Variants in CNTNAP2 observed in about 807,000 individuals in gnomAD.
CNTNAP2 encodes the protein contactin associated protein 2, also known as contactin-associated protein-like 2.
Under a neutral mutation model 155.2 loss-of-function variants are expected in CNTNAP2, and 98 were observed. The observed-to-expected ratio is 0.63, with a 90% CI of 0.54 to 0.75. The LOEUF (loss-of-function observed/expected upper bound fraction) is 0.75. Ranked by LOEUF, CNTNAP2 falls within the 30% of genes least tolerant of loss-of-function variation. The pLI is 0.00. For missense variants in CNTNAP2, 1,727 were observed against 1,688.1 expected (o/e 1.02, Z -0.40); for synonymous variants, 651 against 631.2 (o/e 1.03, Z -0.47).
chr7:147,812,697 A>G (rs1798200012), intron 13 of CNTNAP2, among the ~76,000 whole-genome samples: 1 of 152,094 alleles, frequency 6.6e-6, no homozygotes, highest in Admixed American at 6.5e-5. Flanking sequence ...CCTCAGAGAG[A>G]GTTTCTAGCA....
intron 8 of CNTNAP2, among the ~76,000 whole-genome samples, chr7:147,141,004 T>C (rs866482821): frequency 1.3e-5 from 2 of 152,114 alleles, no homozygotes; most frequent in African/African-American, 4.8e-5. Context: ...TAATAGATAA[T>C]AACTATTGAA....
In CNTNAP2 at chr7:147,032,736, A is replaced by C. The variant is rs148496926; in HGVS notation, c.403-11171A>C. Among the ~76,000 whole-genome samples, 564 of 152,178 alleles carry C rather than the reference A, an allele frequency of 3.7e-3. 9 individuals carry two copies. The highest frequency in any genetic ancestry group is 0.014 in the Middle Eastern group (4 of 294). ...GAGAAAAAAAGGAGAGAGAAAAAGG[A>C]AGGAAGTTGGAGAGAAGGAAGAAGA... On this transcript the variant is annotated intron_variant, in intron 3 of 23. Transcript: ENST00000361727.
chr7:147,910,632 C>A (rs1052235261), intron 14 of CNTNAP2, among the ~76,000 whole-genome samples: 6 of 152,126 alleles, frequency 3.9e-5, no homozygotes, highest in African/African-American at 1.4e-4. Flanking sequence ...GCCTCACAAT[C>A]ATGGCAGAAG....
At chr7:147,543,350 G>A (rs1799672268) in intron 11 of CNTNAP2, among the ~76,000 whole-genome samples, 1 of 152,116 alleles carries the variant, frequency 6.6e-6, no homozygotes, top group African/African-American at 2.4e-5. Context: ...CTTCATTCTG[G>A]TAAACCCACA....
chr7:146,759,710 A>T (rs1585077216), intron 1 of CNTNAP2, among the ~76,000 whole-genome samples: 2 of 135,870 alleles, frequency 1.5e-5, no homozygotes, highest in African/African-American at 5.8e-5. Flanking sequence ...AAAAAAAAAA[A>T]AGGTGGGTGG....
At chr7:148,192,531 A>C (rs923425573) in intron 18 of CNTNAP2, among the ~76,000 whole-genome samples, 9 of 132,088 alleles carry the variant, frequency 6.8e-5, no homozygotes, top group African/African-American at 3.0e-4. Flanking sequence ...ATGGATGACC[A>C]AAAAAAAAAA....
intron 13 of CNTNAP2, among the ~76,000 whole-genome samples, chr7:147,834,039 G>A (rs1001515188): frequency 9.2e-5 from 14 of 152,224 alleles, no homozygotes; most frequent in East Asian, 7.7e-4. Context: ...ATTAGATATG[G>A]GTTACTTTTT....
chr7:147,260,863 T>C (rs1266630301), intron 8 of CNTNAP2, among the ~76,000 whole-genome samples: 2 of 152,222 alleles, frequency 1.3e-5, no homozygotes, highest in Non-Finnish European at 2.9e-5. Flanking sequence ...GCATCAGTAT[T>C]ACTTTACAAC....
chr7:147,878,238 A>G (rs1037898184), intron 13 of CNTNAP2, among the ~76,000 whole-genome samples: 24 of 152,146 alleles, frequency 1.6e-4, no homozygotes, highest in Admixed American at 4.6e-4. Flanking sequence ...AGTGCCTAAA[A>G]CAGCTGAACA....
intron 20 of CNTNAP2, among the ~76,000 whole-genome samples, chr7:148,251,963 A>G (rs952392738): frequency 6.6e-6 from 1 of 152,174 alleles, no homozygotes; most frequent in African/African-American, 2.4e-5. Flanking sequence ...CACAGTCAGA[A>G]TCCATCTTCT....
At chr7:147,768,420 A>G (rs1260986943) in intron 13 of CNTNAP2, among the ~76,000 whole-genome samples, 1 of 151,994 alleles carries the variant, frequency 6.6e-6, no homozygotes, top group East Asian at 1.9e-4. Flanking sequence ...CTATATGTAA[A>G]CTCTTTACTA....
At chr7:147,263,029 T>C (rs12538316) in intron 8 of CNTNAP2, among the ~76,000 whole-genome samples, 25,395 of 152,008 alleles carry the variant, frequency 0.17, 3,378 homozygotes, top group East Asian at 0.76. Context: ...GTAACAAACA[T>C]AGGCAATTAA....
intron 11 of CNTNAP2, among the ~76,000 whole-genome samples, chr7:147,529,002 G>A (rs1273195886): frequency 6.6e-6 from 1 of 152,132 alleles, no homozygotes; most frequent in Non-Finnish European, 1.5e-5. Context: ...ATGGCAAGTG[G>A]AATAATGTGT....
chr7:147,597,252 A>G (rs867462517), intron 12 of CNTNAP2, among the ~76,000 whole-genome samples: 1 of 152,088 alleles, frequency 6.6e-6, no homozygotes, highest in African/African-American at 2.4e-5. Context: ...ATCCCTTTCC[A>G]GTAACATTTG....
At chr7:147,367,986 TTCTC>T (rs1318238757) in intron 9 of CNTNAP2, among the ~76,000 whole-genome samples, 12 of 145,020 alleles carry the variant, frequency 8.3e-5, no homozygotes, top group Middle Eastern at 3.7e-3. Flanking sequence ...CTTTCTTTCT[TTCTC>T]TCTCTCTCTC....
At chr7:147,173,390 A>G (rs1802271010) in intron 8 of CNTNAP2, among the ~76,000 whole-genome samples, 2 of 152,082 alleles carry the variant, frequency 1.3e-5, no homozygotes, top group African/African-American at 2.4e-5. Context: ...TTTATGAAGT[A>G]CCTAAGAAAC....
chr7:148,216,883 T>C (rs1317703531), intron 18 of CNTNAP2, among the ~76,000 whole-genome samples: 2 of 152,166 alleles, frequency 1.3e-5, no homozygotes, highest in Non-Finnish European at 2.9e-5. Flanking sequence ...CAAGAGCTGA[T>C]GGTTTTATAA....
chr7:148,215,117 G>C (rs1199300744), intron 18 of CNTNAP2, among the ~76,000 whole-genome samples: 2 of 152,120 alleles, frequency 1.3e-5, no homozygotes, highest in Non-Finnish European at 2.9e-5. Flanking sequence ...ACAGTGCCAT[G>C]GTGGATTATA....
At chr7:146,514,054 G>A (rs1213826511) in intron 1 of CNTNAP2, among the ~76,000 whole-genome samples, 1 of 151,582 alleles carries the variant, frequency 6.6e-6, no homozygotes, top group Non-Finnish European at 1.5e-5. Context: ...CACCTGGCCT[G>A]GTTTTCACTG....
Sources: allele counts gnomAD v4.1 joint callset (sites outside exome capture counted in the v4.1 genomes callset), GRCh38; gene constraint gnomAD v4.1.1; transcripts MANE v1.5; gene names NCBI Gene and HGNC (gene_info 2026-07-23, HGNC 2026-07-21).